Variants in MED13L observed in about 807,000 individuals in gnomAD.
MED13L encodes mediator of RNA polymerase II transcription subunit 13-like.
MED13L carries 7 observed loss-of-function variants against 220.9 expected under a neutral mutation model. The ratio of observed to expected loss-of-function variants is 0.03; its 90% confidence interval spans 0.02 to 0.06. MED13L has a LOEUF of 0.06. MED13L is among the 10% of genes least tolerant of loss of function. The pLI is 1.00. For synonymous variants in MED13L, 1,011 were observed against 1,015.2 expected, an observed-to-expected ratio of 1.00 and a Z score of 0.08; for missense variants, 1,965 against 2,760.5, an observed-to-expected ratio of 0.71 and a Z score of 6.46.
chr12:115,983,479 G>C lies in MED13L; in HGVS notation c.4593C>G (p.Thr1531=), dbSNP rs138774472. The C allele has an allele frequency of 1.2e-6, 2 of 1,614,034 alleles. No homozygotes were observed. The highest frequency in any genetic ancestry group is 1.6e-4 in the Middle Eastern group (1 of 6,080). The part of the protein sequence containing the change: ...SSLLIPPKYQ[T]PPAAAQGQAT... ...CTTGTCCCTGTGCTGCTGCTGGTGG[G>C]GTCTGGTATTTAGGTGGTATCAATA... The change falls in exon 21 of 31, where the codon ACC becomes ACG. Residue 1531 remains threonine (T), a synonymous_variant. Coordinates refer to ENST00000281928, the MANE Select transcript of MED13L (RefSeq NM_015335.5).
chr12:116,055,260 T>C (rs544581932), intron 4 of MED13L, among the ~76,000 whole-genome samples: 119 of 152,276 alleles, frequency 7.8e-4, no homozygotes, highest in African/African-American at 2.4e-3. Flanking sequence ...CTTATAAAAG[T>C]TGATAAAGCT....
At chr12:116,258,594 T>C (rs760195658) in intron 1 of MED13L, among the ~76,000 whole-genome samples, 2 of 151,972 alleles carry the variant, frequency 1.3e-5, no homozygotes, top group African/African-American at 2.4e-5. Flanking sequence ...CTGGTCAACA[T>C]GGTGAAACCC....
At chr12:116,001,839 A>G (rs2137353525) in intron 14 of MED13L, among the ~76,000 whole-genome samples, 1 of 152,360 alleles carries the variant, frequency 6.6e-6, no homozygotes, top group East Asian at 1.9e-4. Flanking sequence ...GAAATGAGAG[A>G]AAGGATAGAG....
At chr12:116,231,046 TCTC>T (rs1869512086) in intron 2 of MED13L, among the ~76,000 whole-genome samples, 1 of 152,318 alleles carries the variant, frequency 6.6e-6, no homozygotes, top group Non-Finnish European at 1.5e-5. Context: ...TTTATTCTCT[TCTC>T]CTCTTGAACT....
chr12:116,006,738 T>C (rs1301392938), intron 11 of MED13L: 4 of 384,480 alleles, frequency 1.0e-5, no homozygotes, highest in Non-Finnish European at 1.9e-5. Flanking sequence ...TGCTAAATTA[T>C]AGATTTGGCT....
At chr12:116,176,911 A>G (rs1880109484) in intron 2 of MED13L, among the ~76,000 whole-genome samples, 1 of 150,998 alleles carries the variant, frequency 6.6e-6, no homozygotes, top group South Asian at 2.1e-4. Context: ...AAATTTCTTG[A>G]ATTTGTTTAT....
chr12:116,001,474 G>A (rs1592934759), intron 14 of MED13L, among the ~76,000 whole-genome samples: 2 of 152,198 alleles, frequency 1.3e-5, no homozygotes, highest in East Asian at 1.9e-4. Flanking sequence ...TGGGATTACA[G>A]GCTAGACATT....
At chr12:116,274,234 T>TTAAATA (rs1239751458) in intron 1 of MED13L, among the ~76,000 whole-genome samples, 6 of 152,120 alleles carry the variant, frequency 3.9e-5, no homozygotes, top group African/African-American at 1.4e-4. Flanking sequence ...AGTAAAAGAC[T>TTAAATA]AGCAGAAATC....
In MED13L at chr12:116,022,529, G is replaced by A; in HGVS notation, c.552C>T (p.Ala184=). ...ESNVCTSVEI[A]QHQPIYLINE... ...TGATCAAATAAATTGGCTGGTGCTGGGCAATCTCCACACTTGTGCATACAT... is the reference window on the plus strand; with the variant it reads ...TGATCAAATAAATTGGCTGGTGCTGAGCAATCTCCACACTTGTGCATACAT... The change falls in exon 5 of 31, where the codon GCC becomes GCT. Residue 184 remains alanine, a synonymous_variant. Transcript: ENST00000281928. 6.2e-7 allele frequency: 1 copy of A among 1,613,300 alleles called. No homozygotes were observed. Among genetic ancestry groups the A allele is most frequent in the Non-Finnish European group, 8.5e-7 (1 of 1,179,738 alleles).
chr12:116,140,803 T>C (rs1877002200), intron 2 of MED13L, among the ~76,000 whole-genome samples: 1 of 152,210 alleles, frequency 6.6e-6, no homozygotes, highest in Non-Finnish European at 1.5e-5. Context: ...GAATTTATCT[T>C]AGGGAGGCTT....
chr12:116,195,751 TTA>T (rs1881584245), intron 2 of MED13L, among the ~76,000 whole-genome samples: 2 of 151,962 alleles, frequency 1.3e-5, no homozygotes, highest in South Asian at 4.2e-4. Flanking sequence ...CTTTTACTCT[TTA>T]TAAAAGAGTA....
At chr12:116,178,191 T>A (rs1247969837) in intron 2 of MED13L, among the ~76,000 whole-genome samples, 1 of 152,106 alleles carries the variant, frequency 6.6e-6, no homozygotes, top group Non-Finnish European at 1.5e-5. Flanking sequence ...TTAATAGAAG[T>A]CACAGAATTT....
At chr12:115,987,372 A>AGG in intron 17 of MED13L, 84 bp from the exon 18 acceptor site, 2 of 1,271,194 alleles carry the variant, frequency 1.6e-6, no homozygotes, top group Non-Finnish European at 2.2e-6. Context: ...CCTCAGTTAT[A>AGG]TTCAGAACAA....
chr12:116,213,845 T>C (rs959639234), intron 2 of MED13L, among the ~76,000 whole-genome samples: 4 of 152,248 alleles, frequency 2.6e-5, no homozygotes, highest in African/African-American at 4.8e-5. Context: ...AATATCCTTA[T>C]AGAAAATTAT....
At chr12:116,094,643 T>C (rs1872514299) in intron 4 of MED13L, among the ~76,000 whole-genome samples, 1 of 152,212 alleles carries the variant, frequency 6.6e-6, no homozygotes, top group Non-Finnish European at 1.5e-5. Flanking sequence ...AATCATCCTG[T>C]ATTTTATGGT....
intron 1 of MED13L, among the ~76,000 whole-genome samples, chr12:116,272,032 A>C (rs1185002475): frequency 6.6e-6 from 1 of 152,206 alleles, no homozygotes; most frequent in Non-Finnish European, 1.5e-5. Flanking sequence ...TCTTTGATTC[A>C]AAGTTGAGAG....
chr12:116,263,058 T>A (rs1872615394), intron 1 of MED13L, among the ~76,000 whole-genome samples: 1 of 152,222 alleles, frequency 6.6e-6, no homozygotes, highest in African/African-American at 2.4e-5. Flanking sequence ...CAAATATTTG[T>A]GCTCTTTAGT....
intron 2 of MED13L, among the ~76,000 whole-genome samples, chr12:116,187,913 C>T: frequency 6.7e-6 from 1 of 149,428 alleles, no homozygotes; most frequent in East Asian, 2.0e-4. Flanking sequence ...TTCCTGTCAA[C>T]AGAAATCAGT....
chr12:116,106,568 G>C (rs1449494207), intron 3 of MED13L, among the ~76,000 whole-genome samples: 1 of 152,190 alleles, frequency 6.6e-6, no homozygotes, highest in East Asian at 1.9e-4. Flanking sequence ...TATAAGGCTG[G>C]GTACAGTGGC....
Sources: allele counts gnomAD v4.1 joint callset (sites outside exome capture counted in the v4.1 genomes callset), GRCh38; gene constraint gnomAD v4.1.1; transcripts MANE v1.5; gene names NCBI Gene and HGNC (gene_info 2026-07-23, HGNC 2026-07-21).